The following RNF170 variants were observed in gnomAD, a reference collection of about 807,000 sequenced individuals.
The protein encoded by RNF170 is E3 ubiquitin-protein ligase RNF170.
A neutral mutation model predicts 32.7 loss-of-function variants in RNF170; 12 were observed. The ratio of observed to expected loss-of-function variants is 0.37; its 90% CI spans 0.24 to 0.60. The LOEUF is 0.60. Ranked by LOEUF, RNF170 falls within the 20% of genes least tolerant of loss-of-function variation. RNF170 has a pLI of 0.72. For synonymous variants in RNF170, 91 were observed against 103.6 expected (o/e 0.88, Z 0.74); for missense variants, 212 against 311.2 (o/e 0.68, Z 2.40).
upstream of RNF170, chr8:42,896,748 A>AGCGCCG (rs1554506591): frequency 5.5e-5 from 8 of 145,666 alleles, no homozygotes; most frequent in Non-Finnish European, 9.1e-5. Flanking sequence ...GCCCGGCGGC[A>AGCGCCG]GCGGCGGCGG....
chr8:42,850,722 G>T, downstream of RNF170: 1 of 1,544,294 alleles, frequency 6.5e-7, no homozygotes, highest in Non-Finnish European at 8.8e-7. Context: ...GGGAGGGGAG[G>T]GTCACTGCCT....
chr8:42,891,977 C>T (rs1387270182), intron 1 of RNF170, among the ~76,000 whole-genome samples: 2 of 152,162 alleles, frequency 1.3e-5, no homozygotes, highest in Admixed American at 6.5e-5. Context: ...CTTGCTTCCT[C>T]TCTCGATATG....
At position 42,896,519 on chromosome 8, in the gene RNF170, G is replaced by C; in HGVS notation, c.-43C>G. On this transcript the variant is annotated 5_prime_UTR_variant, in exon 1 of 7. Coordinates refer to ENST00000527424, the MANE Select transcript of RNF170 (RefSeq NM_030954.4). ...CGAAGGAACTACCTCGCCAGTTCCC[G>C]GCGACAGAGGACAGATTATTTCCAG... The C allele has an allele frequency of 2.2e-6, 1 of 453,950 alleles. No individual in the cohort carries two copies. The highest frequency in any genetic ancestry group is 4.4e-6 in the Non-Finnish European group (1 of 226,714). The allele number at this position is 453,950 out of a possible 1,614,324, so 28.1% of individuals were successfully genotyped here.
chr8:42,866,964 G>T (rs1187263133), intron 4 of RNF170, among the ~76,000 whole-genome samples: 1 of 152,212 alleles, frequency 6.6e-6, no homozygotes, highest in Non-Finnish European at 1.5e-5. Flanking sequence ...AGTGTTAAGT[G>T]CTGAACTAGG....
intron 5 of RNF170, among the ~76,000 whole-genome samples, chr8:42,863,338 G>A (rs966227480): frequency 2.6e-5 from 4 of 152,084 alleles, no homozygotes; most frequent in Non-Finnish European, 4.4e-5. Context: ...AGAAGAGGGA[G>A]GGCCTGGAAC....
chr8:42,881,707 G>A (rs1805420894), intron 2 of RNF170, among the ~76,000 whole-genome samples: 1 of 152,168 alleles, frequency 6.6e-6, no homozygotes, highest in African/African-American at 2.4e-5. Context: ...GGCTGAGGTG[G>A]GCAGATCACT....
At chr8:42,889,904 C>A (rs145911357) in intron 1 of RNF170, among the ~76,000 whole-genome samples, 178 of 152,232 alleles carry the variant, frequency 1.2e-3, no homozygotes, top group African/African-American at 4.2e-3. Flanking sequence ...TTTCAAAAGT[C>A]CTAAGGGCAC....
intron 1 of RNF170, among the ~76,000 whole-genome samples, chr8:42,892,430 G>A (rs765313105): frequency 6.6e-6 from 1 of 152,150 alleles, no homozygotes; most frequent in South Asian, 2.1e-4. Flanking sequence ...CTCCCAAAGT[G>A]CTAGGATTAT....
In RNF170 at chr8:42,893,780, A is replaced by ATC. The variant is rs1189397681; in HGVS notation, c.-8+2702_-8+2703dup. On this transcript the variant is annotated intron_variant, in intron 1 of 6. Coordinates refer to ENST00000527424, the MANE Select transcript of RNF170 (RefSeq NM_030954.4). Reference sequence around the variant, plus strand: ...CTGCCCCAGAGCTGCTCCACATAGCATCTCAAACTCTCTTTAATCACAGCT... The same window carrying ATC: ...CTGCCCCAGAGCTGCTCCACATAGCATCTCTCAAACTCTCTTTAATCACAGCT... Among the ~76,000 whole-genome samples, 6 of 152,322 alleles carry ATC rather than the reference A, an allele frequency of 3.9e-5. No individual in the cohort carries two copies. In the East Asian group the frequency reaches 1.2e-3, roughly 29 times the overall value.
chr8:42,880,622 T>C (rs1030487973), intron 2 of RNF170, among the ~76,000 whole-genome samples: 3 of 152,020 alleles, frequency 2.0e-5, no homozygotes, highest in Non-Finnish European at 2.9e-5. Context: ...ATACAAAAAT[T>C]AGCTGGGCAT....
At chr8:42,887,687 C>T in intron 2 of RNF170, 41 bp downstream of exon 2, 1 of 1,603,420 alleles carries the variant, frequency 6.2e-7, no homozygotes, top group Non-Finnish European at 8.5e-7. Flanking sequence ...AAGTCAGCAG[C>T]CCTTGCAAAT....
intron 2 of RNF170, among the ~76,000 whole-genome samples, chr8:42,884,070 A>C (rs923127343): frequency 4.6e-5 from 7 of 151,978 alleles, no homozygotes; most frequent in African/African-American, 1.5e-4. Flanking sequence ...TGGCAGAATA[A>C]ATTTAATTCT....
Position 42,853,482 on chromosome 8 carries a change from A to T in RNF170, c.*2677T>A, listed in dbSNP as rs1424803959. ...CCTCTCAAACACTGAGAATTGTAGT[A>T]GTTGAAACCACTGTTCTAGTGGGCA... On this transcript the variant is annotated 3_prime_UTR_variant, in exon 7 of 7. Transcript: ENST00000527424. The T allele has an allele frequency of 2.3e-6, 3 of 1,287,022 alleles. No homozygotes were observed. Among genetic ancestry groups the T allele is most frequent in the Admixed American group, 2.3e-5 (1 of 43,518 alleles). The allele number at this position is 1,287,022 out of a possible 1,614,324, so 79.7% of individuals were successfully genotyped here.
chr8:42,854,593 T>C lies in RNF170; in HGVS notation c.*1566A>G. ...CAAATTAGAAAAACACATATTGATA[T>C]TTCATTCAGAATCTCATTAATTGGT... On this transcript the variant is annotated 3_prime_UTR_variant, in exon 7 of 7. Transcript: ENST00000527424. The C allele has an allele frequency of 7.8e-7, 1 of 1,287,198 alleles. No homozygotes were observed. The highest frequency in any genetic ancestry group is 1.0e-6 in the Non-Finnish European group (1 of 988,636). 79.7% of individuals were successfully genotyped at this position (1,287,198 alleles called of 1,614,324 possible).
chr8:42,877,235 T>G (rs1022767886), intron 2 of RNF170, among the ~76,000 whole-genome samples: 1 of 151,902 alleles, frequency 6.6e-6, no homozygotes, highest in Non-Finnish European at 1.5e-5. Context: ...CTGTTTTTGT[T>G]TTTGAGACAG....
intron 4 of RNF170, among the ~76,000 whole-genome samples, chr8:42,868,713 A>G (rs1278803091): frequency 6.6e-6 from 1 of 151,988 alleles, no homozygotes; most frequent in African/African-American, 2.4e-5. Flanking sequence ...TTAGCTGGGC[A>G]TGGTGGCAGG....
downstream of RNF170, chr8:42,850,801 A>G: frequency 6.4e-7 from 1 of 1,551,598 alleles, no homozygotes; most frequent in Non-Finnish European, 8.7e-7. Flanking sequence ...TTAACCTGAG[A>G]ACCAAAGGAT....
intron 4 of RNF170, among the ~76,000 whole-genome samples, chr8:42,866,897 T>C (rs1224397922): frequency 1.3e-5 from 2 of 152,236 alleles, no homozygotes; most frequent in Non-Finnish European, 2.9e-5. Flanking sequence ...ATCCACTTTC[T>C]TTTTTGTAGG....
chr8:42,865,247 A>AT (rs1196783813), intron 5 of RNF170, among the ~76,000 whole-genome samples, 169 bp downstream of exon 5: 1 of 142,972 alleles, frequency 7.0e-6, no homozygotes, highest in Admixed American at 6.7e-5. Context: ...TTCAAAAAAA[A>AT]TAAAAAAAAA....
Sources: allele counts gnomAD v4.1 joint callset (sites outside exome capture counted in the v4.1 genomes callset), GRCh38; gene constraint gnomAD v4.1.1; transcripts MANE v1.5; gene names NCBI Gene and HGNC (gene_info 2026-07-23, HGNC 2026-07-21).